Variants in CCNY observed in about 807,000 individuals in gnomAD.
The protein encoded by CCNY is cyclin-Y.
CCNY carries 19 observed loss-of-function variants against 42.8 expected under a neutral mutation model. The observed-to-expected ratio is 0.44, with a 90% CI of 0.31 to 0.65. The LOEUF (loss-of-function observed/expected upper bound fraction) is 0.65. Ranked by LOEUF, CCNY falls within the 30% of genes least tolerant of loss-of-function variation. The probability of loss-of-function intolerance (pLI) is 0.07; values close to 1 mark genes in which losing one functional copy is unlikely to be tolerated. For synonymous variants in CCNY, 165 were observed against 162.7 expected (o/e 1.01, Z -0.11); for missense variants, 370 against 437.3 (o/e 0.85, Z 1.37).
chr10:35,262,666 TGA>T (rs1385410510), intron 3 of CCNY, among the ~76,000 whole-genome samples: 2 of 152,090 alleles, frequency 1.3e-5, no homozygotes, highest in Admixed American at 6.6e-5. Flanking sequence ...CTGGCCAGCA[TGA>T]GTCAATTATA....
chr10:35,323,901 T>C (rs574505686), intron 3 of CCNY, among the ~76,000 whole-genome samples: 8 of 151,800 alleles, frequency 5.3e-5, no homozygotes, highest in Non-Finnish European at 1.2e-4. Context: ...GTGCCTGTAG[T>C]CCTCGCTACT....
chr10:35,389,755 A>G (rs1172664983), intron 1 of CCNY, among the ~76,000 whole-genome samples: 1 of 152,264 alleles, frequency 6.6e-6, no homozygotes, highest in African/African-American at 2.4e-5. Context: ...TGACTCTTAA[A>G]GTAGTGAGAA....
intron 3 of CCNY, among the ~76,000 whole-genome samples, chr10:35,330,200 G>C (rs1835926026): frequency 6.6e-6 from 1 of 152,176 alleles, no homozygotes. Flanking sequence ...TCTTGCCAGG[G>C]TATATTCAAG....
rs138501543 is a variant in CCNY, at chr10:35,463,875, T to G, written c.155-19529T>G. Among the ~76,000 whole-genome samples, 451 of 152,294 alleles carry G rather than the reference T, an allele frequency of 3.0e-3. 1 individual carries two copies. Among genetic ancestry groups the G allele is most frequent in the Middle Eastern group, 6.8e-3 (2 of 292 alleles). ...AGTAAGTTTATGACATTGACCTACT[T>G]CCTGATCATCAGCAAAGAAGCTGCA... On this transcript the variant is annotated intron_variant, in intron 1 of 9. Transcript: ENST00000374704.
intron 4 of CCNY, among the ~76,000 whole-genome samples, chr10:35,518,821 C>T (rs1840483206): frequency 7.7e-6 from 1 of 130,178 alleles, no homozygotes; most frequent in Admixed American, 7.5e-5. Context: ...TTTAACAGAT[C>T]TTGATTGAAT....
At chr10:35,314,022 G>A (rs1169029792) in intron 3 of CCNY, among the ~76,000 whole-genome samples, 2 of 136,758 alleles carry the variant, frequency 1.5e-5, no homozygotes, top group Non-Finnish European at 3.2e-5. Flanking sequence ...GTTATTTTTT[G>A]TGGGGCTGGA....
chr10:35,460,271 A>G (rs1839128552), intron 1 of CCNY, among the ~76,000 whole-genome samples: 1 of 152,146 alleles, frequency 6.6e-6, no homozygotes, highest in Non-Finnish European at 1.5e-5. Context: ...TTGAGAATCA[A>G]CTCACTGTAG....
intron 2 of CCNY, among the ~76,000 whole-genome samples, chr10:35,486,880 C>T (rs1839798953): frequency 1.3e-5 from 2 of 152,230 alleles, no homozygotes; most frequent in African/African-American, 4.8e-5. Flanking sequence ...TCACTTCCTC[C>T]TTGAGGGTTT....
At position 35,280,336 on chromosome 10, in the gene CCNY, A is replaced by G. The variant is rs182572248; in HGVS notation, c.-9+29710A>G. On this transcript the variant is annotated intron_variant, in intron 3 of 11. Transcript: ENST00000374706. ...AGTGAGGAAAGAAGGAAAGAAAGAAAGGAAGAAAGGAAGAAGGAAAGAAAG... is the reference window on the plus strand; with the variant it reads ...AGTGAGGAAAGAAGGAAAGAAAGAAGGGAAGAAAGGAAGAAGGAAAGAAAG... 1.1e-4 allele frequency among the ~76,000 whole-genome samples: 16 copies of G among 150,494 alleles called. No individual in the cohort carries two copies. In the East Asian group the frequency reaches 3.1e-3, roughly 29 times the overall value.
rs941525974 is a variant in CCNY, at chr10:35,394,769, C to T, written c.154+57562C>T. On this transcript the variant is annotated intron_variant, in intron 1 of 9. Transcript: ENST00000374704. The stretch of plus-strand genomic sequence containing the variant: ...GCATGTTTTTCATTCCTTACTTAAC[C>T]TCTGTTTTGAAGGGCCTTGGTGACC... 9 of 817,312 alleles carry T rather than the reference C, an allele frequency of 1.1e-5. No individual in the cohort carries two copies. The African/African-American group carries it at 1.7e-4, about 15-fold the overall frequency. The allele number at this position is 817,312 out of a possible 1,614,324, so 50.6% of individuals were successfully genotyped here. A position where few individuals can be genotyped will look rare whatever the true frequency, so the allele number is the denominator to read the frequency against.
At chr10:35,348,764 G>C (rs1998061) in intron 1 of CCNY, among the ~76,000 whole-genome samples, 2 of 152,022 alleles carry the variant, frequency 1.3e-5, no homozygotes, top group African/African-American at 2.4e-5. Flanking sequence ...CTGGAGAATG[G>C]TTCGGGCTGG....
chr10:35,480,739 G>T (rs1014380255), intron 1 of CCNY, among the ~76,000 whole-genome samples: 1 of 152,194 alleles, frequency 6.6e-6, no homozygotes, highest in African/African-American at 2.4e-5. Flanking sequence ...GGCTGAAGCA[G>T]GAGGATCACT....
In CCNY at chr10:35,344,118, G is replaced by T. The variant is rs138701743; in HGVS notation, c.154+6911G>T. On this transcript the variant is annotated intron_variant, in intron 1 of 9. Transcript: ENST00000374704. ...GATGTTGAGTAGTTTGTTGCTTGGA[G>T]CCTTGGTCAGGAGACCATTTCTTCT... Among the ~76,000 whole-genome samples the T allele has an allele frequency of 6.5e-3, 991 of 152,296 alleles. 16 individuals are homozygous for T. The highest frequency in any genetic ancestry group is 0.023 in the African/African-American group (947 of 41,540).
At chr10:35,428,078 CCTTT>C (rs2135273927) in intron 1 of CCNY, among the ~76,000 whole-genome samples, 1 of 152,242 alleles carries the variant, frequency 6.6e-6, no homozygotes, top group African/African-American at 2.4e-5. Flanking sequence ...TTTATGCTGT[CCTTT>C]CATTCATTTA....
At chr10:35,329,556 T>C (rs1023371920) in intron 3 of CCNY, among the ~76,000 whole-genome samples, 2 of 152,188 alleles carry the variant, frequency 1.3e-5, no homozygotes, top group Admixed American at 6.5e-5. Context: ...CTAACTGGCA[T>C]GGAAAATATT....
intron 3 of CCNY, among the ~76,000 whole-genome samples, chr10:35,324,675 C>G (rs1323346861): frequency 6.6e-6 from 1 of 152,164 alleles, no homozygotes; most frequent in Admixed American, 6.5e-5. Flanking sequence ...TGATGAGAAA[C>G]TCATACTTAT....
intron 1 of CCNY, among the ~76,000 whole-genome samples, chr10:35,474,835 G>T (rs1359890464): frequency 6.6e-6 from 1 of 152,190 alleles, no homozygotes; most frequent in Non-Finnish European, 1.5e-5. Flanking sequence ...GTCTTCAGAC[G>T]ATCAAAATAC....
At chr10:35,434,083 A>C (rs1838472876) in intron 1 of CCNY, 1 of 152,226 alleles carries the variant, frequency 6.6e-6, no homozygotes, top group African/African-American at 2.4e-5. Context: ...TTTGCTGGAA[A>C]ATAATCTTCT....
intron 2 of CCNY, among the ~76,000 whole-genome samples, chr10:35,490,603 T>C (rs899634916): frequency 6.6e-6 from 1 of 152,178 alleles, no homozygotes; most frequent in Non-Finnish European, 1.5e-5. Flanking sequence ...GCAGGTCCTG[T>C]TGGAAACCAT....
Sources: allele counts gnomAD v4.1 joint callset (sites outside exome capture counted in the v4.1 genomes callset), GRCh38; gene constraint gnomAD v4.1.1; transcripts MANE v1.5; gene names NCBI Gene and HGNC (gene_info 2026-07-23, HGNC 2026-07-21).